FREM1: variants seen among roughly 807,000 people sequenced by gnomAD.
FREM1 encodes FRAS1-related extracellular matrix protein 1.
Under a neutral mutation model 210.1 loss-of-function variants are expected in FREM1, and 220 were observed. The observed-to-expected ratio is 1.05, with a 90% CI of 0.94 to 1.17. The LOEUF (loss-of-function observed/expected upper bound fraction) is 1.17. Ranked by LOEUF, FREM1 falls within the 50% of genes most tolerant of loss-of-function variation. The pLI, the probability that FREM1 is intolerant of heterozygous loss-of-function variation, is 0.00. For synonymous variants in FREM1, 1,189 were observed against 980.2 expected (o/e 1.21, Z -3.98); for missense variants, 3,454 against 2,675.5 (o/e 1.29, Z -6.42).
chr9:14,792,270 ACG>A (rs1243633159), intron 22 of FREM1, among the ~76,000 whole-genome samples: 2 of 102,708 alleles, frequency 1.9e-5, no homozygotes, highest in African/African-American at 3.6e-5. Context: ...CCACACACAC[ACG>A]CACACACACA....
Position 14,792,774 on chromosome 9 carries a change from C to T in FREM1, c.3950G>A (p.Arg1317Lys). 6.2e-7 allele frequency: 1 copy of T among 1,601,610 alleles called. No individual in the cohort carries two copies. Among genetic ancestry groups the T allele is most frequent in the Non-Finnish European group, 8.5e-7 (1 of 1,175,670 alleles). The change falls in exon 22 of 37, where the codon AGG becomes AAG. Residue 1317 changes from arginine to lysine, a missense_variant. By Grantham distance (26) the Arg-to-Lys change is conservative. Transcript: ENST00000380880. ...PREKIYYVFE[R>K]LPQNGQLQLK... ...CTGAAGTTGCCCATTTTGGGGAAGC[C>T]TTTCAAATACATAGTAAATCTTCTC...
At chr9:14,857,809 A>G (rs1829069875) in intron 4 of FREM1, 60 bp from the exon 5 acceptor site, 1 of 1,242,424 alleles carries the variant, frequency 8.0e-7, no homozygotes. Context: ...TAAAATTTAG[A>G]AACCAGTACT....
chr9:14,829,692 C>T (rs1350502383), intron 10 of FREM1, among the ~76,000 whole-genome samples: 2 of 152,098 alleles, frequency 1.3e-5, no homozygotes, highest in Non-Finnish European at 2.9e-5. Flanking sequence ...GAACCATGAG[C>T]CAAATAAATT....
rs866059067 is a variant in FREM1, at chr9:14,860,972, T to C, written c.330-1488A>G. ...ACATATACACATATATACACATATATACATATATACACATATATACATATA... is the reference window on the plus strand; with the variant it reads ...ACATATACACATATATACACATATACACATATATACACATATATACATATA... On this transcript the variant is annotated intron_variant, in intron 3 of 36. Transcript: ENST00000380880. Among the ~76,000 whole-genome samples the C allele has an allele frequency of 2.8e-3, 259 of 93,426 alleles. 5 individuals are homozygous for C. Among genetic ancestry groups the C allele is most frequent in the Non-Finnish European group, 3.5e-3 (152 of 43,326 alleles). The allele number at this position is 93,426 out of a possible 152,430, so 61.3% of individuals were successfully genotyped here. A position where few individuals can be genotyped will look rare whatever the true frequency, so the allele number is the denominator to read the frequency against.
intron 15 of FREM1, among the ~76,000 whole-genome samples, chr9:14,814,232 T>C (rs1320191537): frequency 1.3e-5 from 2 of 152,346 alleles, no homozygotes; most frequent in South Asian, 4.1e-4. Context: ...TATTTACGTA[T>C]AGAACCATCT....
rs750374714 is a variant in FREM1 at position 14,812,978 on chromosome 9, G to A, written c.2727C>T (p.Ile909=). The A allele has an allele frequency of 5.6e-6, 9 of 1,613,828 alleles. No homozygotes were observed. In the East Asian group the frequency reaches 6.7e-5, roughly 12 times the overall value. Residue 909 remains isoleucine, a synonymous_variant, in exon 16 of 37, where the codon ATC becomes ATT. Coordinates refer to ENST00000380880, the MANE Select transcript of FREM1 (RefSeq NM_001379081.2). Reference sequence around the variant, plus strand: ...CAGTAGCAAAAATGTATTCAGAGGTGATGACCACCTCTCCTCCCTCTGAGC... The same window carrying A: ...CAGTAGCAAAAATGTATTCAGAGGTAATGACCACCTCTCCTCCCTCTGAGC... ...MNCSEGGEVV[I]TSEYIFATDV...
At chr9:14,886,684 C>A (rs1835874544) in intron 1 of FREM1, among the ~76,000 whole-genome samples, 1 of 151,706 alleles carries the variant, frequency 6.6e-6, no homozygotes, top group South Asian at 2.1e-4. Context: ...TGACTTGAGC[C>A]CAGGAGGTCA....
intron 1 of FREM1, among the ~76,000 whole-genome samples, chr9:14,872,213 T>C (rs1182428377): frequency 1.3e-5 from 2 of 152,318 alleles, no homozygotes; most frequent in Admixed American, 1.3e-4. Context: ...AGAAAATCAT[T>C]GGTAGCTTGA....
chr9:14,828,379 C>T (rs1406050545), intron 10 of FREM1, among the ~76,000 whole-genome samples: 2 of 152,208 alleles, frequency 1.3e-5, no homozygotes, highest in East Asian at 3.9e-4. Flanking sequence ...AGAGGAATGT[C>T]TATCCTATAC....
Position 14,775,922 on chromosome 9 carries a change from T to C in FREM1, c.4724A>G (p.Lys1575Arg), listed in dbSNP as rs1848477274. 1 of 1,614,010 alleles carries C rather than the reference T, an allele frequency of 6.2e-7. No homozygotes were observed. The highest frequency in any genetic ancestry group is 8.5e-7 in the Non-Finnish European group (1 of 1,179,874). The change falls in exon 25 of 37, where the codon AAG (lysine) becomes AGG (arginine). Residue 1575 changes from lysine (K) to arginine (R), a missense_variant. By Grantham distance (26) the Lys-to-Arg change is conservative (BLOSUM62 2). Transcript: ENST00000380880. ...HNFTQQDVDS[K>R]NVAYRHSGGD... is the part of the protein sequence containing the mutation. ...TCCTGAGTGCCGATAGGCCACATTC[T>C]TGCTGTCCACATCCTGCTGGGTGAA...
chr9:14,759,537 T>C (rs559591547), intron 28 of FREM1, among the ~76,000 whole-genome samples: 1 of 4,906 alleles, frequency 2.0e-4, no homozygotes, highest in Non-Finnish European at 9.6e-4. Context: ...TAATAATATC[T>C]CTTGTGCTAG....
At chr9:14,852,952 G>C (rs1340946352) in intron 5 of FREM1, among the ~76,000 whole-genome samples, 3 of 152,206 alleles carry the variant, frequency 2.0e-5, no homozygotes, top group Non-Finnish European at 4.4e-5. Context: ...ACTAATTCCA[G>C]ACTCCAGAAC....
intron 16 of FREM1, among the ~76,000 whole-genome samples, chr9:14,811,615 T>C (rs1489248103): frequency 6.6e-6 from 1 of 152,074 alleles, no homozygotes; most frequent in East Asian, 1.9e-4. Context: ...AGAGATACCA[T>C]TTAAAGAAAA....
rs754761317 is a variant in FREM1 at position 14,775,843 on chromosome 9, T to G, written c.4803A>C (p.Gln1601His). 4 of 1,613,794 alleles carry G rather than the reference T, an allele frequency of 2.5e-6. No homozygotes were observed. The highest frequency in any genetic ancestry group is 3.4e-6 in the Non-Finnish European group (4 of 1,179,784). Residue 1601 changes from glutamine (Q) to histidine (H), a missense_variant, in exon 25 of 37, where the codon CAA (glutamine) becomes CAC (histidine). Physicochemically the swap from Gln to His is conservative, Grantham distance 24. Coordinates refer to ENST00000380880, the MANE Select transcript of FREM1 (RefSeq NM_001379081.2). ...FTFMATDGTN[Q>H]GFIVNGRVWE... is the part of the protein sequence containing the mutation. ...ACACTCTCCCATTCACAATAAAGCC[T>G]TGGTTTGTCCCATCTGTGGCCATGA...
At chr9:14,799,370 T>A (rs1423529305) in intron 20 of FREM1, among the ~76,000 whole-genome samples, 1 of 152,068 alleles carries the variant, frequency 6.6e-6, no homozygotes, top group African/African-American at 2.4e-5. Context: ...TGGGGGGATG[T>A]TTATGAGAAT....
intron 31 of FREM1, 114 bp from the exon 32 acceptor site, chr9:14,747,842 T>C (rs1587677573): frequency 1.8e-6 from 1 of 565,776 alleles, no homozygotes. Flanking sequence ...AAAACATATG[T>C]AATCTTAAGA....
intron 13 of FREM1, among the ~76,000 whole-genome samples, chr9:14,820,579 A>C (rs1187961204): frequency 6.6e-6 from 1 of 152,238 alleles, no homozygotes; most frequent in Non-Finnish European, 1.5e-5. Context: ...CCTTCTGGAC[A>C]CCACGGCACA....
intron 12 of FREM1, 54 bp from the exon 13 acceptor site, chr9:14,823,381 CT>C: frequency 6.7e-7 from 1 of 1,502,556 alleles, no homozygotes; most frequent in Non-Finnish European, 9.1e-7. Flanking sequence ...GGATCAAAAG[CT>C]TTTAGAGGTC....
chr9:14,861,848 T>A (rs529910779), intron 3 of FREM1, among the ~76,000 whole-genome samples: 31 of 152,104 alleles, frequency 2.0e-4, no homozygotes, highest in Middle Eastern at 3.2e-3. Flanking sequence ...TATAATCTTA[T>A]AGTTATTTTA....
Sources: gnomAD v4.1 joint callset for allele counts (sites outside exome capture counted in the v4.1 genomes callset) on GRCh38, gnomAD v4.1.1 for gene constraint, MANE v1.5 for transcripts, NCBI Gene and HGNC (gene_info 2026-07-23, HGNC 2026-07-21) for gene names.